Variants in CTNND2 observed in about 807,000 individuals in gnomAD.
CTNND2 encodes catenin delta-2.
Under a neutral mutation model 144.4 loss-of-function variants are expected in CTNND2, and 22 were observed. The observed-to-expected ratio is 0.15, with a 90% CI of 0.11 to 0.22. The LOEUF (loss-of-function observed/expected upper bound fraction) is 0.22. Ranked by LOEUF, CTNND2 falls within the 10% of genes least tolerant of loss-of-function variation. The pLI is 1.00. For missense variants in CTNND2, 1,353 were observed against 1,618.8 expected (o/e 0.84, Z 2.82); for synonymous variants, 751 against 695.6 (o/e 1.08, Z -1.25).
intron 1 of CTNND2, among the ~76,000 whole-genome samples, chr5:11,791,330 G>A (rs754120019): frequency 7.9e-5 from 12 of 152,148 alleles, no homozygotes; most frequent in Non-Finnish European, 1.5e-4. Flanking sequence ...TAACTTAGAG[G>A]TTCAGGTTGT....
chr5:11,798,568 A>C (rs1791521462), intron 1 of CTNND2, among the ~76,000 whole-genome samples: 1 of 152,206 alleles, frequency 6.6e-6, no homozygotes, highest in African/African-American at 2.4e-5. Flanking sequence ...GGAGATTGAG[A>C]CCATCCTGAT....
chr5:11,665,742 C>T (rs1040634599), intron 2 of CTNND2, among the ~76,000 whole-genome samples: 2 of 152,068 alleles, frequency 1.3e-5, no homozygotes, highest in Non-Finnish European at 2.9e-5. Context: ...TATTCAGGGG[C>T]CAGTTGAATC....
At chr5:11,552,481 C>A (rs1265621456) in intron 3 of CTNND2, among the ~76,000 whole-genome samples, 2 of 152,154 alleles carry the variant, frequency 1.3e-5, no homozygotes, top group African/African-American at 2.4e-5. Context: ...TACTTTTTTA[C>A]TAAAGTTCAA....
At chr5:11,720,891 C>T (rs893981190) in intron 2 of CTNND2, among the ~76,000 whole-genome samples, 1 of 152,118 alleles carries the variant, frequency 6.6e-6, no homozygotes, top group Non-Finnish European at 1.5e-5. Flanking sequence ...TCATAAAATA[C>T]AGAAACAGCC....
At chr5:11,421,997 T>C (rs1279917297) in intron 3 of CTNND2, among the ~76,000 whole-genome samples, 4 of 152,122 alleles carry the variant, frequency 2.6e-5, no homozygotes, top group Admixed American at 1.3e-4. Context: ...TCCAGGAACA[T>C]AGGATGCAGG....
At chr5:11,163,862 T>C (rs1003069744) in intron 11 of CTNND2, among the ~76,000 whole-genome samples, 3 of 152,208 alleles carry the variant, frequency 2.0e-5, no homozygotes, top group African/African-American at 7.2e-5. Context: ...GACCCAACAC[T>C]TTCTTTAATT....
At chr5:11,770,316 A>G (rs1789844426) in intron 1 of CTNND2, among the ~76,000 whole-genome samples, 1 of 152,166 alleles carries the variant, frequency 6.6e-6, no homozygotes, top group Admixed American at 6.5e-5. Context: ...TACTGAACTA[A>G]TAACACTTGA....
rs530778405 is a variant in CTNND2 at position 11,651,246 on chromosome 5, C to T, written c.174+80890G>A. On this transcript the variant is annotated intron_variant, in intron 2 of 21. Coordinates refer to ENST00000304623, the MANE Select transcript of CTNND2 (RefSeq NM_001332.4). ...GTCCCAGATACATCTCAGGCTGCTG[C>T]TCCAGAGGTTGCAAAACAGAAGCCA... Among the ~76,000 whole-genome samples, 9 of 152,310 alleles carry T rather than the reference C, an allele frequency of 5.9e-5. No homozygotes were observed. In the South Asian group the frequency reaches 1.2e-3, roughly 21 times the overall value.
At chr5:11,382,576 C>A (rs1758601864) in intron 7 of CTNND2, among the ~76,000 whole-genome samples, 1 of 147,532 alleles carries the variant, frequency 6.8e-6, no homozygotes, top group Non-Finnish European at 1.5e-5. Flanking sequence ...CCAGCCTGGG[C>A]AACCGACAGA....
At chr5:11,016,285 C>T (rs1741592872) in intron 18 of CTNND2, among the ~76,000 whole-genome samples, 1 of 152,166 alleles carries the variant, frequency 6.6e-6, no homozygotes, top group Non-Finnish European at 1.5e-5. Context: ...CACACTTCCT[C>T]TTAGGGAACA....
intron 9 of CTNND2, among the ~76,000 whole-genome samples, chr5:11,272,192 G>A (rs960279646): frequency 2.6e-5 from 4 of 151,994 alleles, no homozygotes; most frequent in African/African-American, 4.8e-5. Context: ...TTATAGCAAC[G>A]TGAGATTATT....
rs529613151 is a variant in CTNND2, at chr5:11,097,287, G to A, written c.2637+1288C>T. 4.6e-5 allele frequency among the ~76,000 whole-genome samples: 7 copies of A among 152,294 alleles called. No individual in the cohort carries two copies. The South Asian group carries it at 6.2e-4, about 14-fold the overall frequency. On this transcript the variant is annotated intron_variant, in intron 15 of 21. Coordinates refer to ENST00000304623, the MANE Select transcript of CTNND2 (RefSeq NM_001332.4). ...CCATTAGTATCTCTTTCCTGCTCCT[G>A]TAAGACTATGCTTGGGATGTCTACC...
intron 6 of CTNND2, among the ~76,000 whole-genome samples, chr5:11,388,367 C>A (rs2149804688): frequency 6.6e-6 from 1 of 152,324 alleles, no homozygotes; most frequent in South Asian, 2.1e-4. Flanking sequence ...CACCGCTGAA[C>A]ACATGGGCTG....
At chr5:11,871,318 T>C (rs566570525) in intron 1 of CTNND2, among the ~76,000 whole-genome samples, 6 of 152,154 alleles carry the variant, frequency 3.9e-5, no homozygotes, top group Admixed American at 1.3e-4. Flanking sequence ...TGATACCACA[T>C]AGAGACAGAG....
chr5:10,984,490 C>T (rs142185740), intron 20 of CTNND2, among the ~76,000 whole-genome samples: 5 of 152,018 alleles, frequency 3.3e-5, no homozygotes, highest in African/African-American at 1.2e-4. Context: ...CATAAACAGA[C>T]ACTGAGACGC....
chr5:11,855,147 G>C (rs528280899), intron 1 of CTNND2, among the ~76,000 whole-genome samples: 1 of 152,194 alleles, frequency 6.6e-6, no homozygotes, highest in African/African-American at 2.4e-5. Context: ...TTAAACCAGG[G>C]ATTAGCTGGA....
intron 3 of CTNND2, among the ~76,000 whole-genome samples, chr5:11,438,085 A>C (rs1763931190): frequency 6.6e-6 from 1 of 152,200 alleles, no homozygotes; most frequent in Non-Finnish European, 1.5e-5. Context: ...CGTTGGGAAG[A>C]AATATTAAGA....
At chr5:11,095,329 T>A (rs532368198) in intron 15 of CTNND2, among the ~76,000 whole-genome samples, 1 of 152,356 alleles carries the variant, frequency 6.6e-6, no homozygotes, top group African/African-American at 2.4e-5. Flanking sequence ...AATGGTTCTC[T>A]CATAACTTCT....
intron 2 of CTNND2, among the ~76,000 whole-genome samples, chr5:11,656,738 G>A (rs539716967): frequency 2.0e-5 from 3 of 152,224 alleles, no homozygotes; most frequent in South Asian, 2.1e-4. Context: ...TGCAAGCTCC[G>A]TAACAGTGAG....
Sources: allele counts gnomAD v4.1 joint callset (sites outside exome capture counted in the v4.1 genomes callset), GRCh38; gene constraint gnomAD v4.1.1; transcripts MANE v1.5; gene names NCBI Gene and HGNC (gene_info 2026-07-23, HGNC 2026-07-21).